Variants in BNC2 observed in about 807,000 individuals in gnomAD.
BNC2 encodes basonuclin zinc finger protein 2.
In BNC2, 20 loss-of-function variants were observed where a neutral mutation model predicts 76.3. The observed-to-expected ratio is 0.26, with a 90% CI of 0.18 to 0.38. The LOEUF (loss-of-function observed/expected upper bound fraction) is 0.38. Among genes scored for constraint, BNC2 ranks in the 10% least tolerant of loss-of-function variants. The pLI is 1.00. For synonymous variants in BNC2, 582 were observed against 514.8 expected, an observed-to-expected ratio of 1.13 and a Z score of -1.77; for missense variants, 1,382 against 1,399.8, an observed-to-expected ratio of 0.99 and a Z score of 0.20.
chr9:16,698,308 G>A (rs947177041), intron 3 of BNC2, among the ~76,000 whole-genome samples: 1 of 116,764 alleles, frequency 8.6e-6, no homozygotes, highest in African/African-American at 3.6e-5. Flanking sequence ...TCATATTTAA[G>A]CACTACTGTT....
chr9:16,840,938 A>G (rs1818808739), intron 1 of BNC2, among the ~76,000 whole-genome samples: 1 of 152,176 alleles, frequency 6.6e-6, no homozygotes, highest in African/African-American at 2.4e-5. Flanking sequence ...ATCTAACAAA[A>G]TCAGCTTTTT....
At chr9:16,700,153 T>G (rs1823466208) in intron 3 of BNC2, among the ~76,000 whole-genome samples, 1 of 152,146 alleles carries the variant, frequency 6.6e-6, no homozygotes, top group Non-Finnish European at 1.5e-5. Context: ...AGACACAGAC[T>G]TCAGTTAGAC....
intron 1 of BNC2, among the ~76,000 whole-genome samples, chr9:16,758,542 G>A (rs1053653008): frequency 1.3e-5 from 2 of 152,060 alleles, no homozygotes; most frequent in Admixed American, 1.3e-4. Context: ...TATTGGCCAG[G>A]CAGCTCTCAA....
chr9:16,623,520 T>C (rs924175566), intron 3 of BNC2, among the ~76,000 whole-genome samples: 3 of 152,208 alleles, frequency 2.0e-5, no homozygotes, highest in Non-Finnish European at 4.4e-5. Flanking sequence ...ACCATCAGAA[T>C]GGCTTAAACA....
chr9:16,590,593 T>C (rs970703754), intron 3 of BNC2, among the ~76,000 whole-genome samples: 3 of 151,990 alleles, frequency 2.0e-5, no homozygotes, highest in African/African-American at 4.8e-5. Flanking sequence ...GGAGAGCACA[T>C]AGCTTGAGCC....
At chr9:16,870,530 A>T in intron 1 of BNC2, 116 bp downstream of exon 1, 2 of 1,244,154 alleles carry the variant, frequency 1.6e-6, no homozygotes, top group Non-Finnish European at 2.2e-6. Context: ...CTTGCCCCTC[A>T]CGCCGCGGGC....
At chr9:16,747,138 T>G (rs1025825417) in intron 1 of BNC2, among the ~76,000 whole-genome samples, 8 of 152,158 alleles carry the variant, frequency 5.3e-5, no homozygotes, top group African/African-American at 1.9e-4. Flanking sequence ...GCACAACCAC[T>G]GCTTGAGATG....
chr9:16,813,986 C>A (rs1030223035), intron 1 of BNC2, among the ~76,000 whole-genome samples: 3 of 152,184 alleles, frequency 2.0e-5, no homozygotes, highest in Non-Finnish European at 4.4e-5. Flanking sequence ...CCTCCCCAGA[C>A]ACGGTGTACT....
chr9:16,843,132 G>A (rs1818876166), intron 1 of BNC2, among the ~76,000 whole-genome samples: 1 of 152,180 alleles, frequency 6.6e-6, no homozygotes, highest in African/African-American at 2.4e-5. Context: ...AGATTTGATA[G>A]ATAGATAATT....
At chr9:16,568,578 G>A (rs999470530) in intron 4 of BNC2, among the ~76,000 whole-genome samples, 18 of 151,926 alleles carry the variant, frequency 1.2e-4, no homozygotes, top group Admixed American at 8.5e-4. Flanking sequence ...ATCATAAAGG[G>A]GCCCTTTGGA....
intron 1 of BNC2, among the ~76,000 whole-genome samples, chr9:16,808,607 G>A (rs997274029): frequency 1.3e-5 from 2 of 148,214 alleles, no homozygotes; most frequent in African/African-American, 4.9e-5. Context: ...TCCCACCTCG[G>A]CCTCCTGAGT....
intron 5 of BNC2, among the ~76,000 whole-genome samples, chr9:16,457,274 C>T (rs1211126225): frequency 6.6e-6 from 1 of 152,102 alleles, no homozygotes; most frequent in East Asian, 1.9e-4. Context: ...GACTTTTCTC[C>T]TCATATGGAA....
At chr9:16,753,604 T>A (rs1301442984) in intron 1 of BNC2, among the ~76,000 whole-genome samples, 3 of 152,210 alleles carry the variant, frequency 2.0e-5, no homozygotes, top group African/African-American at 7.2e-5. Flanking sequence ...TTTTTAACAG[T>A]ATCAATCACA....
At chr9:16,614,238 T>C (rs926871881) in intron 3 of BNC2, among the ~76,000 whole-genome samples, 5 of 152,282 alleles carry the variant, frequency 3.3e-5, no homozygotes, top group Admixed American at 2.0e-4. Flanking sequence ...GTAGAAATAG[T>C]TGGCCATTGG....
intron 3 of BNC2, among the ~76,000 whole-genome samples, chr9:16,612,279 C>G (rs1395730483): frequency 6.6e-6 from 1 of 152,044 alleles, no homozygotes; most frequent in Admixed American, 6.6e-5. Context: ...ACTAATTTTC[C>G]AAGTGTTCAT....
chr9:16,552,387 C>G (rs1587161070), intron 5 of BNC2, 143 bp downstream of exon 5: 1 of 742,818 alleles, frequency 1.3e-6, no homozygotes, highest in South Asian at 1.5e-5. Context: ...CTCTCCTTTC[C>G]CCTTCCCTGA....
intron 1 of BNC2, among the ~76,000 whole-genome samples, chr9:16,765,181 G>C (rs1439649922): frequency 6.6e-6 from 1 of 151,984 alleles, no homozygotes; most frequent in Non-Finnish European, 1.5e-5. Flanking sequence ...TCTCTAATAT[G>C]GTAAACATAC....
At chr9:16,743,443 G>C (rs7857929) in intron 1 of BNC2, among the ~76,000 whole-genome samples, 137,721 of 152,236 alleles carry the variant, frequency 0.9, 62,324 homozygotes, top group Non-Finnish European at 0.92. Context: ...TGTATTCTAG[G>C]CCTTCAAAAA....
intron 3 of BNC2, chr9:16,665,020 T>C (rs1822227832): frequency 8.8e-6 from 4 of 455,800 alleles, no homozygotes; most frequent in South Asian, 1.6e-5. Flanking sequence ...TCACAGCAAC[T>C]ATCCTAAACT....
Sources: allele counts gnomAD v4.1 joint callset (sites outside exome capture counted in the v4.1 genomes callset), GRCh38; gene constraint gnomAD v4.1.1; transcripts MANE v1.5; gene names NCBI Gene and HGNC (gene_info 2026-07-23, HGNC 2026-07-21).